CTSC: variants seen among roughly 807,000 people sequenced by gnomAD.
CTSC encodes cathepsin C.
In CTSC, 37 loss-of-function variants were observed where a neutral mutation model predicts 40.9. The observed-to-expected ratio is 0.91, with a 90% CI of 0.70 to 1.19. CTSC has a LOEUF of 1.19. Among genes scored for constraint, CTSC ranks in the 50% most tolerant of loss-of-function variants. The pLI, the probability that CTSC is intolerant of heterozygous loss-of-function variation, is 0.00. For missense variants in CTSC, 594 were observed against 567.3 expected, an observed-to-expected ratio of 1.05 and a Z score of -0.48; for synonymous variants, 232 against 207.4, an observed-to-expected ratio of 1.12 and a Z score of -1.02.
At chr11:88,320,079 G>T (rs1937964839) in intron 2 of CTSC, among the ~76,000 whole-genome samples, 1 of 152,128 alleles carries the variant, frequency 6.6e-6, no homozygotes, top group Non-Finnish European at 1.5e-5. Context: ...CCCTATGTCA[G>T]TTCCAAGGAA....
intron 1 of CTSC, among the ~76,000 whole-genome samples, chr11:88,335,859 AT>A (rs1565267613): frequency 1.3e-5 from 2 of 152,200 alleles, no homozygotes; most frequent in Non-Finnish European, 1.5e-5. Flanking sequence ...ACACAAAATG[AT>A]CTATTCGGAG....
At chr11:88,318,177 T>C (rs75849185) in intron 2 of CTSC, among the ~76,000 whole-genome samples, 1 of 152,250 alleles carries the variant, frequency 6.6e-6, no homozygotes, top group Non-Finnish European at 1.5e-5. Context: ...TTAGCCAATG[T>C]CTGAATACTT....
At position 88,335,060 on chromosome 11, in the gene CTSC, CACT is replaced by C; in HGVS notation, c.192_194del (p.Val66del). The C allele has an allele frequency of 2.5e-6, 4 of 1,600,400 alleles. No homozygotes were observed. Among genetic ancestry groups the C allele is most frequent in the Non-Finnish European group, 3.4e-6 (4 of 1,168,884 alleles). On this transcript the variant is annotated inframe_deletion, in exon 2 of 7. Transcript: ENST00000227266. ...CTGTATCCAGCTTCTGAAGGTACACCACTACTTTTTTTTCTTGTGGTCCTAAAG... is the reference window on the plus strand; with the variant it reads ...CTGTATCCAGCTTCTGAAGGTACACCACTTTTTTTTCTTGTGGTCCTAAAG...
chr11:88,303,229 A>G (rs887544979), intron 4 of CTSC, among the ~76,000 whole-genome samples: 1 of 152,212 alleles, frequency 6.6e-6, no homozygotes, highest in Non-Finnish European at 1.5e-5. Context: ...CAAATCAAGC[A>G]AGCAACCAAT....
chr11:88,333,404 A>G (rs1284143554), intron 2 of CTSC, among the ~76,000 whole-genome samples: 1 of 152,164 alleles, frequency 6.6e-6, no homozygotes, highest in Non-Finnish European at 1.5e-5. Context: ...TGTGTGTCAA[A>G]GAAGAAGGGA....
In CTSC at chr11:88,337,726, G is replaced by T. The variant is rs73534520; in HGVS notation, c.-54C>A. Reference sequence around the variant, plus strand: ...GAATTACCAGGAAGCCGAGCGCTGCGGGCTAGCGGTGAGTCCACCACGAGG... The same window carrying T: ...GAATTACCAGGAAGCCGAGCGCTGCTGGCTAGCGGTGAGTCCACCACGAGG... On this transcript the variant is annotated 5_prime_UTR_variant, in exon 1 of 7. Coordinates refer to ENST00000227266, the MANE Select transcript of CTSC (RefSeq NM_001814.6). 26 of 1,545,052 alleles carry T rather than the reference G, an allele frequency of 1.7e-5. No homozygotes were observed. The African/African-American group carries it at 3.0e-4, about 18-fold the overall frequency.
chr11:88,327,811 T>C (rs570646921), intron 2 of CTSC: 3 of 394,058 alleles, frequency 7.6e-6, no homozygotes, highest in South Asian at 4.7e-5. Flanking sequence ...AGTCAACCTT[T>C]TTTTTAGCTG....
chr11:88,331,113 C>T (rs1475308645), intron 2 of CTSC, among the ~76,000 whole-genome samples: 1 of 152,168 alleles, frequency 6.6e-6, no homozygotes. Context: ...CAAAAGACTT[C>T]GGTGACCCCA....
chr11:88,307,175 TTC>T (rs139858652), intron 4 of CTSC, among the ~76,000 whole-genome samples: 6,925 of 152,312 alleles, frequency 0.045, 203 homozygotes, highest in East Asian at 0.1. Flanking sequence ...AAACATTGTA[TTC>T]TCTGAGAATT....
intron 4 of CTSC, among the ~76,000 whole-genome samples, chr11:88,308,479 T>C (rs1937683910): frequency 6.6e-6 from 1 of 151,778 alleles, no homozygotes; most frequent in African/African-American, 2.4e-5. Flanking sequence ...TTTATTATTT[T>C]ATTTTATTTT....
chr11:88,318,967 T>C (rs1937937909), intron 2 of CTSC, among the ~76,000 whole-genome samples: 1 of 152,154 alleles, frequency 6.6e-6, no homozygotes, highest in Non-Finnish European at 1.5e-5. Context: ...TATTATTTAA[T>C]ATATGAAACA....
chr11:88,335,225 G>C, intron 1 of CTSC, 143 bp from the exon 2 acceptor site: 1 of 667,872 alleles, frequency 1.5e-6, no homozygotes, highest in Non-Finnish European at 2.6e-6. Flanking sequence ...GAAGAAACCA[G>C]AGGCTCCATC....
intron 2 of CTSC, chr11:88,326,034 T>C (rs1938173079): frequency 9.3e-7 from 1 of 1,071,170 alleles, no homozygotes; most frequent in South Asian, 4.1e-5. Context: ...CTGACAATCT[T>C]AGAAAAAAAT....
chr11:88,325,156 T>C (rs759622904), intron 2 of CTSC: 26 of 984,788 alleles, frequency 2.6e-5, no homozygotes, highest in Non-Finnish European at 8.4e-6. Flanking sequence ...AGCTAGAAGA[T>C]AGCAATCAGT....
intron 3 of CTSC, among the ~76,000 whole-genome samples, chr11:88,309,570 C>T (rs991164892): frequency 3.3e-5 from 5 of 151,798 alleles, no homozygotes; most frequent in South Asian, 2.1e-4. Flanking sequence ...TGTAAATAAC[C>T]GAAATAAATA....
At chr11:88,296,570 A>C (rs1040370970) in intron 5 of CTSC, 2 of 367,816 alleles carry the variant, frequency 5.4e-6, no homozygotes, top group African/African-American at 4.2e-5. Context: ...GATAATGATG[A>C]AAGGATTTAT....
At chr11:88,296,086 C>T (rs766349855) in intron 6 of CTSC, 47 bp downstream of exon 6, 2 of 1,608,100 alleles carry the variant, frequency 1.2e-6, no homozygotes, top group South Asian at 1.1e-5. Context: ...CAGCCAGCTG[C>T]ACACAGGTAA....
chr11:88,305,486 T>C (rs1385392484), intron 4 of CTSC, among the ~76,000 whole-genome samples: 1 of 152,242 alleles, frequency 6.6e-6, no homozygotes, highest in African/African-American at 2.4e-5. Context: ...CTTAATCTTT[T>C]GGCCCACATT....
rs190955829 is a variant in CTSC at position 88,316,989 on chromosome 11, T to C, written c.319-4435A>G. 4.1e-4 allele frequency among the ~76,000 whole-genome samples: 62 copies of C among 152,046 alleles called. No homozygotes were observed. In the East Asian group the frequency reaches 0.011, roughly 28 times the overall value. ...TCTTAATTTTTTTTTTTTTTCAAGATGGAGTCTTGTTCTGTCACCCAGGCT... is the reference window on the plus strand; with the variant it reads ...TCTTAATTTTTTTTTTTTTTCAAGACGGAGTCTTGTTCTGTCACCCAGGCT... On this transcript the variant is annotated intron_variant, in intron 2 of 6. Coordinates refer to ENST00000227266, the MANE Select transcript of CTSC (RefSeq NM_001814.6).
Sources: gnomAD v4.1 joint callset for allele counts (sites outside exome capture counted in the v4.1 genomes callset) on GRCh38, gnomAD v4.1.1 for gene constraint, MANE v1.5 for transcripts, NCBI Gene and HGNC (gene_info 2026-07-23, HGNC 2026-07-21) for gene names.